The following ATP8A2 variants were observed in gnomAD, a reference collection of about 807,000 sequenced individuals.
ATP8A2 encodes phospholipid-transporting ATPase IB.
In ATP8A2, 100 loss-of-function variants were observed where a neutral mutation model predicts 165.6. The observed-to-expected ratio is 0.60, with a 90% CI of 0.51 to 0.71. The LOEUF is 0.71. ATP8A2 is among the 30% of genes least tolerant of loss of function. ATP8A2 has a pLI of 0.00. For synonymous variants in ATP8A2, 543 were observed against 548.8 expected (o/e 0.99, Z 0.15); for missense variants, 1,227 against 1,479.5 (o/e 0.83, Z 2.80).
chr13:25,554,642 T>G (rs2038926148), intron 12 of ATP8A2, among the ~76,000 whole-genome samples: 1 of 151,542 alleles, frequency 6.6e-6, no homozygotes, highest in African/African-American at 2.4e-5. Context: ...CACTGCAACT[T>G]CCATCTCTTG....
chr13:25,541,505 A>G (rs1435064243), intron 8 of ATP8A2, among the ~76,000 whole-genome samples: 2 of 152,180 alleles, frequency 1.3e-5, no homozygotes, highest in Admixed American at 6.5e-5. Flanking sequence ...CCTGGAGGAC[A>G]GAGTGAGACC....
intron 33 of ATP8A2, among the ~76,000 whole-genome samples, chr13:25,915,700 A>G (rs1435386639): frequency 6.6e-6 from 1 of 152,186 alleles, no homozygotes; most frequent in Non-Finnish European, 1.5e-5. Flanking sequence ...GTGAGGCAGA[A>G]CTGACTCCAG....
At chr13:25,768,630 C>T (rs1175134685) in intron 25 of ATP8A2, among the ~76,000 whole-genome samples, 1 of 152,156 alleles carries the variant, frequency 6.6e-6, no homozygotes, top group Non-Finnish European at 1.5e-5. Flanking sequence ...ATTCCCTTGC[C>T]AGCCCTAGGT....
chr13:25,655,860 G>A (rs1489181174), intron 24 of ATP8A2, among the ~76,000 whole-genome samples: 1 of 152,174 alleles, frequency 6.6e-6, no homozygotes, highest in Non-Finnish European at 1.5e-5. Flanking sequence ...ACCTTATGTG[G>A]TTTTAGAAAT....
At chr13:25,851,412 G>A (rs902679043) in intron 30 of ATP8A2, among the ~76,000 whole-genome samples, 3 of 151,956 alleles carry the variant, frequency 2.0e-5, no homozygotes, top group South Asian at 2.1e-4. Flanking sequence ...TGAAACCCCC[G>A]TCTCTGCTAA....
At chr13:25,457,809 G>A (rs1301543210) in intron 1 of ATP8A2, among the ~76,000 whole-genome samples, 3 of 152,194 alleles carry the variant, frequency 2.0e-5, no homozygotes, top group African/African-American at 4.8e-5. Flanking sequence ...AGAAGAAAAC[G>A]TGATACACAA....
intron 33 of ATP8A2, among the ~76,000 whole-genome samples, chr13:25,947,988 A>T (rs1955257122): frequency 6.6e-6 from 1 of 152,116 alleles, no homozygotes. Context: ...AAAATAGAAG[A>T]CACCCAATGG....
At chr13:25,416,059 C>A (rs960823839) in intron 1 of ATP8A2, among the ~76,000 whole-genome samples, 2 of 152,196 alleles carry the variant, frequency 1.3e-5, no homozygotes, top group Non-Finnish European at 2.9e-5. Context: ...AACTTCCAGC[C>A]TCAAGAAGTC....
At chr13:25,971,838 A>G (rs1304746501) in intron 35 of ATP8A2, among the ~76,000 whole-genome samples, 23 of 152,092 alleles carry the variant, frequency 1.5e-4, no homozygotes, top group Non-Finnish European at 1.5e-5. Context: ...ACCCTTGCAA[A>G]GATGCACAGG....
chr13:25,485,465 T>C (rs1212463966), intron 2 of ATP8A2, among the ~76,000 whole-genome samples: 2 of 152,262 alleles, frequency 1.3e-5, no homozygotes, highest in Non-Finnish European at 2.9e-5. Flanking sequence ...TCTAAATGTG[T>C]ACACACATAG....
intron 24 of ATP8A2, among the ~76,000 whole-genome samples, chr13:25,672,291 C>T (rs554745274): frequency 6.6e-6 from 1 of 152,292 alleles, no homozygotes; most frequent in East Asian, 1.9e-4. Context: ...GACTCCCTTT[C>T]AACTTATCCT....
intron 1 of ATP8A2, among the ~76,000 whole-genome samples, chr13:25,425,138 G>A (rs1409688569): frequency 6.6e-6 from 1 of 152,134 alleles, no homozygotes; most frequent in Non-Finnish European, 1.5e-5. Flanking sequence ...ATTGGCTGAA[G>A]TACACACCCT....
intron 1 of ATP8A2, among the ~76,000 whole-genome samples, chr13:25,420,650 T>C (rs4238192): frequency 0.66 from 100,058 of 152,140 alleles, 34,359 homozygotes; most frequent in East Asian, 0.99. Context: ...AACATCATGG[T>C]ACATGTTTAC....
chr13:25,663,365 G>A (rs926302226), intron 24 of ATP8A2, among the ~76,000 whole-genome samples: 5 of 152,094 alleles, frequency 3.3e-5, no homozygotes, highest in African/African-American at 1.2e-4. Context: ...CTTTTTCTTC[G>A]ATTGCTGGGC....
At chr13:25,796,682 A>G (rs1377482649) in intron 27 of ATP8A2, among the ~76,000 whole-genome samples, 1 of 152,210 alleles carries the variant, frequency 6.6e-6, no homozygotes, top group African/African-American at 2.4e-5. Flanking sequence ...TGCTACACAG[A>G]GCCCTTATCT....
chr13:25,874,346 C>T lies in ATP8A2; in HGVS notation c.3183+11938C>T, dbSNP rs1367147998. Among the ~76,000 whole-genome samples the T allele has an allele frequency of 2.6e-4, 39 of 152,312 alleles. 1 individual carries two copies. The highest frequency in any genetic ancestry group is 2.4e-3 in the Admixed American group (36 of 15,300). ...GCCTCCTACCAAGTTAATGCTTACA[C>T]GATGTTTAGATCTCAGATGCTTGAT... On this transcript the variant is annotated intron_variant, in intron 33 of 36. Transcript: ENST00000381655.
chr13:25,645,406 C>T (rs1441945623), intron 24 of ATP8A2, among the ~76,000 whole-genome samples: 1 of 152,166 alleles, frequency 6.6e-6, no homozygotes, highest in Non-Finnish European at 1.5e-5. Context: ...GGGACACAAC[C>T]AAACCATATC....
At chr13:25,593,167 A>T (rs1593604977) in intron 24 of ATP8A2, among the ~76,000 whole-genome samples, 1 of 152,192 alleles carries the variant, frequency 6.6e-6, no homozygotes, top group East Asian at 1.9e-4. Flanking sequence ...GTAGATATAC[A>T]GTAGAGCTTT....
chr13:25,872,370 G>A (rs1160220474), intron 33 of ATP8A2, among the ~76,000 whole-genome samples: 1 of 152,118 alleles, frequency 6.6e-6, no homozygotes, highest in Non-Finnish European at 1.5e-5. Flanking sequence ...CAGAGGAAGG[G>A]TGCACTGAGA....
Sources: gnomAD v4.1 joint callset for allele counts (sites outside exome capture counted in the v4.1 genomes callset) on GRCh38, gnomAD v4.1.1 for gene constraint, MANE v1.5 for transcripts, NCBI Gene and HGNC (gene_info 2026-07-23, HGNC 2026-07-21) for gene names.